Variants in CEP112 observed in about 807,000 individuals in gnomAD.
The protein encoded by CEP112 is centrosomal protein 112, also known as centrosomal protein of 112 kDa.
Under a neutral mutation model 153.0 loss-of-function variants are expected in CEP112, and 127 were observed. The observed-to-expected ratio is 0.83, with a 90% confidence interval of 0.72 to 0.96. The LOEUF is 0.96. Among genes scored for constraint, CEP112 ranks in the 40% least tolerant of loss-of-function variants. The pLI is 0.00. For missense variants in CEP112, 1,089 were observed against 1,101.2 expected (o/e 0.99, Z 0.16); for synonymous variants, 358 against 374.4 (o/e 0.96, Z 0.51).
chr17:65,762,127 C>A (rs1261535192), intron 21 of CEP112, among the ~76,000 whole-genome samples: 2 of 151,946 alleles, frequency 1.3e-5, no homozygotes, highest in Non-Finnish European at 2.9e-5. Context: ...TACATATACA[C>A]CTGTTAAGGA....
chr17:65,865,107 T>C (rs1324199834), intron 20 of CEP112, among the ~76,000 whole-genome samples: 1 of 152,112 alleles, frequency 6.6e-6, no homozygotes, highest in African/African-American at 2.4e-5. Flanking sequence ...AGTGTCATGA[T>C]CTCGGCTCAC....
At chr17:66,111,505 G>A (rs529346377) in intron 6 of CEP112, among the ~76,000 whole-genome samples, 6 of 152,232 alleles carry the variant, frequency 3.9e-5, no homozygotes, top group East Asian at 3.9e-4. Flanking sequence ...ATATACCCAC[G>A]GAATACTATG....
chr17:66,142,420 C>T (rs998906845), intron 4 of CEP112, among the ~76,000 whole-genome samples: 1 of 152,140 alleles, frequency 6.6e-6, no homozygotes, highest in African/African-American at 2.4e-5. Context: ...TAAGAAATTA[C>T]TGCCTAGACC....
At position 66,086,131 on chromosome 17, in the gene CEP112, A is replaced by G. The variant is rs374148748; in HGVS notation, c.768+10120T>C. On this transcript the variant is annotated intron_variant, in intron 8 of 26. Coordinates refer to ENST00000535342, the MANE Select transcript of CEP112 (RefSeq NM_001199165.4). ...TGAAGAATGAGTTGAGAAAGGGATGATTAAATACTTGAGAGCTAATATTTA... is the reference window on the plus strand; with the variant it reads ...TGAAGAATGAGTTGAGAAAGGGATGGTTAAATACTTGAGAGCTAATATTTA... 6.6e-5 allele frequency among the ~76,000 whole-genome samples: 10 copies of G among 152,148 alleles called. No individual in the cohort carries two copies. The East Asian group carries it at 7.7e-4, about 12-fold the overall frequency.
At chr17:65,734,818 C>T (rs1205366523) in intron 23 of CEP112, among the ~76,000 whole-genome samples, 2 of 152,182 alleles carry the variant, frequency 1.3e-5, no homozygotes, top group African/African-American at 4.8e-5. Context: ...TATGCCAAAA[C>T]TTGACAAGTG....
intron 17 of CEP112, among the ~76,000 whole-genome samples, chr17:66,004,861 C>G (rs953798094): frequency 6.6e-6 from 1 of 152,174 alleles, no homozygotes; most frequent in Non-Finnish European, 1.5e-5. Flanking sequence ...TACTGATTCT[C>G]TGGGAGTTAG....
At chr17:66,023,925 T>C (rs1040943200) in intron 16 of CEP112, among the ~76,000 whole-genome samples, 1 of 151,994 alleles carries the variant, frequency 6.6e-6, no homozygotes, top group African/African-American at 2.4e-5. Flanking sequence ...CATAATAAAA[T>C]ACTAAGAAAT....
chr17:65,747,316 C>T (rs1263746360), intron 22 of CEP112, among the ~76,000 whole-genome samples: 1 of 152,146 alleles, frequency 6.6e-6, no homozygotes, highest in Non-Finnish European at 1.5e-5. Flanking sequence ...GAGATGGGCA[C>T]AGGGGTCATG....
chr17:65,854,432 A>G (rs1346490092), intron 20 of CEP112, among the ~76,000 whole-genome samples: 1 of 152,226 alleles, frequency 6.6e-6, no homozygotes, highest in Non-Finnish European at 1.5e-5. Flanking sequence ...TGTTCAGTAT[A>G]CATTAGCTCA....
At chr17:65,907,277 A>T (rs1028766125) in intron 19 of CEP112, among the ~76,000 whole-genome samples, 1 of 152,214 alleles carries the variant, frequency 6.6e-6, no homozygotes, top group Admixed American at 6.5e-5. Context: ...GATCATGCCC[A>T]TGTTCAAATT....
chr17:65,676,924 T>G, intron 24 of CEP112, among the ~76,000 whole-genome samples: 1 of 152,140 alleles, frequency 6.6e-6, no homozygotes, highest in Non-Finnish European at 1.5e-5. Context: ...TGGTTTCAAC[T>G]GGGGGAGCCT....
chr17:66,022,033 C>T (rs1404469292), intron 16 of CEP112, among the ~76,000 whole-genome samples: 2 of 152,152 alleles, frequency 1.3e-5, no homozygotes, highest in African/African-American at 4.8e-5. Flanking sequence ...GATTCCCACG[C>T]CCCTTGCTAC....
Position 65,809,394 on chromosome 17 carries a change from T to C in CEP112, c.2394+42410A>G, listed in dbSNP as rs537857439. Reference sequence around the variant, plus strand: ...ATTTATTTTCCAACAGATTTGATTGTTGTACAAATGAACTGTTGGAGGAAG... The same window carrying C: ...ATTTATTTTCCAACAGATTTGATTGCTGTACAAATGAACTGTTGGAGGAAG... On this transcript the variant is annotated intron_variant, in intron 21 of 26. Transcript: ENST00000535342. Among the ~76,000 whole-genome samples, 70 of 152,326 alleles carry C rather than the reference T, an allele frequency of 4.6e-4. 1 individual carries two copies. In the Middle Eastern group the frequency reaches 0.014, roughly 30 times the overall value.
intron 17 of CEP112, among the ~76,000 whole-genome samples, chr17:65,963,842 T>C (rs11869568): frequency 0.48 from 73,047 of 152,064 alleles, 18,539 homozygotes; most frequent in East Asian, 0.89. Context: ...CTATTTATCT[T>C]TTCATATCCC....
intron 2 of CEP112, among the ~76,000 whole-genome samples, chr17:66,181,539 T>G (rs2072721135): frequency 6.6e-6 from 1 of 152,076 alleles, no homozygotes; most frequent in Non-Finnish European, 1.5e-5. Flanking sequence ...GTATTTTTAG[T>G]AGAGTCGGGC....
chr17:66,094,769 C>CA (rs768488133), intron 8 of CEP112, among the ~76,000 whole-genome samples: 14 of 152,078 alleles, frequency 9.2e-5, no homozygotes, highest in Non-Finnish European at 1.3e-4. Context: ...GGTTAACATC[C>CA]AAAATATATA....
chr17:66,111,763 C>T (rs1002072600), intron 6 of CEP112, among the ~76,000 whole-genome samples: 1 of 152,036 alleles, frequency 6.6e-6, no homozygotes, highest in Non-Finnish European at 1.5e-5. Context: ...GGGTACTGGG[C>T]ATAATACCTG....
intron 23 of CEP112, among the ~76,000 whole-genome samples, chr17:65,730,004 A>G (rs2050411438): frequency 6.6e-6 from 1 of 152,250 alleles, no homozygotes; most frequent in African/African-American, 2.4e-5. Flanking sequence ...AGTACAATTT[A>G]GCCATTGGTG....
At chr17:65,858,017 A>G (rs2058182539) in intron 20 of CEP112, among the ~76,000 whole-genome samples, 1 of 152,134 alleles carries the variant, frequency 6.6e-6, no homozygotes, top group Admixed American at 6.5e-5. Context: ...CCTAAATTTG[A>G]CATTTGTTGG....
Sources: allele counts gnomAD v4.1 joint callset (sites outside exome capture counted in the v4.1 genomes callset), GRCh38; gene constraint gnomAD v4.1.1; transcripts MANE v1.5; gene names NCBI Gene and HGNC (gene_info 2026-07-23, HGNC 2026-07-21).